The following TBCK variants were observed in gnomAD, a reference collection of about 807,000 sequenced individuals.
TBCK encodes TBC domain-containing protein kinase-like protein.
Under a neutral mutation model 113.4 loss-of-function variants are expected in TBCK, and 99 were observed. That is an observed-to-expected ratio of 0.87 (90% CI 0.74 to 1.03). The LOEUF (loss-of-function observed/expected upper bound fraction) is 1.03, where lower values mean the gene tolerates loss of function less well. TBCK is among the 50% of genes least tolerant of loss of function. The probability of loss-of-function intolerance (pLI) is 0.00; values close to 1 mark genes in which losing one functional copy is unlikely to be tolerated. For missense variants in TBCK, 1,045 were observed against 1,061.3 expected (o/e 0.98, Z 0.21); for synonymous variants, 369 against 370.8 (o/e 1.00, Z 0.05).
At chr4:106,070,775 G>A (rs1486140193) in intron 25 of TBCK, among the ~76,000 whole-genome samples, 7 of 152,046 alleles carry the variant, frequency 4.6e-5, no homozygotes, top group Admixed American at 2.0e-4. Context: ...TCTGGTCCTC[G>A]ACTTTTTTTG....
intron 17 of TBCK, among the ~76,000 whole-genome samples, chr4:106,232,343 T>C (rs1485443372): frequency 1.3e-5 from 2 of 151,576 alleles, no homozygotes; most frequent in Non-Finnish European, 3.0e-5. Flanking sequence ...CTAAGAAAAA[T>C]AACAGCTTTA....
intron 25 of TBCK, among the ~76,000 whole-genome samples, chr4:106,089,455 A>G (rs1308068569): frequency 6.6e-6 from 1 of 152,102 alleles, no homozygotes; most frequent in African/African-American, 2.4e-5. Context: ...TGATCCCCTA[A>G]GTCTTATGTC....
At chr4:106,072,735 A>G (rs1737625884) in intron 25 of TBCK, among the ~76,000 whole-genome samples, 1 of 152,142 alleles carries the variant, frequency 6.6e-6, no homozygotes, top group Non-Finnish European at 1.5e-5. Flanking sequence ...AAGTACACCA[A>G]TCAAACAGAG....
intron 3 of TBCK, among the ~76,000 whole-genome samples, chr4:106,276,028 T>C (rs1171716399): frequency 5.9e-5 from 9 of 152,168 alleles, no homozygotes; most frequent in African/African-American, 2.2e-4. Context: ...ACTATAAAGC[T>C]ATAATCATCA....
chr4:106,245,212 T>C (rs1560898616), intron 10 of TBCK, among the ~76,000 whole-genome samples: 1 of 152,172 alleles, frequency 6.6e-6, no homozygotes, highest in East Asian at 1.9e-4. Context: ...CCCACACTTT[T>C]GTGAGTCTGG....
Position 106,044,210 on chromosome 4 carries a change from C to T in TBCK, c.*2360G>A, listed in dbSNP as rs933850907. The T allele has an allele frequency of 1.3e-5, 2 of 152,166 alleles. No homozygotes were observed. Among genetic ancestry groups the T allele is most frequent in the African/African-American group, 4.8e-5 (2 of 41,442 alleles). The allele number at this position is 152,166 out of a possible 1,614,324, so 9.4% of individuals were successfully genotyped here. On this transcript the variant is annotated 3_prime_UTR_variant, in exon 26 of 26. Coordinates refer to ENST00000394708, the MANE Select transcript of TBCK (RefSeq NM_001163435.3). ...ATCACTGCCCCTCCATCCCTCTCTT[C>T]TCTGCTTTCTCAGTAAGGCAGAGTT...
chr4:106,115,562 T>C (rs1306872659), intron 24 of TBCK, among the ~76,000 whole-genome samples: 8 of 152,176 alleles, frequency 5.3e-5, no homozygotes, highest in Non-Finnish European at 1.2e-4. Context: ...AGTTGCTCTG[T>C]TTTTAAACAA....
intron 24 of TBCK, among the ~76,000 whole-genome samples, chr4:106,098,023 C>A (rs10516531): frequency 0.057 from 8,619 of 151,966 alleles, 499 homozygotes; most frequent in East Asian, 0.27. Context: ...GCTCTAAGAA[C>A]TTTGGTTTTA....
chr4:106,236,692 A>G, intron 13 of TBCK, 67 bp downstream of exon 13: 2 of 1,058,340 alleles, frequency 1.9e-6, no homozygotes, highest in East Asian at 3.0e-5. Context: ...GAAAATGTAT[A>G]AAATTCTTAT....
chr4:106,093,987 G>C lies in TBCK; in HGVS notation c.2571+1495C>G, dbSNP rs865895645. 5.3e-5 allele frequency among the ~76,000 whole-genome samples: 8 copies of C among 152,276 alleles called. 1 individual carries two copies. In the South Asian group the frequency reaches 1.5e-3, roughly 28 times the overall value. ...GATGGGGGAGGCTGATAATGGGAAA[G>C]GTTGTGCATGTGTGGGGTAGTGGTA... On this transcript the variant is annotated intron_variant, in intron 25 of 25. Coordinates refer to ENST00000394708, the MANE Select transcript of TBCK (RefSeq NM_001163435.3).
At chr4:106,159,976 T>C (rs1194505349) in intron 23 of TBCK, among the ~76,000 whole-genome samples, 2 of 151,992 alleles carry the variant, frequency 1.3e-5, no homozygotes, top group Admixed American at 6.6e-5. Context: ...CCCTCCTATA[T>C]ATGGTCAAAT....
chr4:106,184,236 C>T (rs1325695816), intron 22 of TBCK, among the ~76,000 whole-genome samples: 1 of 152,050 alleles, frequency 6.6e-6, no homozygotes, highest in Admixed American at 6.6e-5. Flanking sequence ...TTGTCAGTAC[C>T]ATGCTCACTC....
intron 5 of TBCK, among the ~76,000 whole-genome samples, chr4:106,260,209 A>G (rs1216428864): frequency 6.6e-6 from 1 of 151,918 alleles, no homozygotes; most frequent in Non-Finnish European, 1.5e-5. Context: ...GAATGTCAAT[A>G]CTGTTAGCTT....
chr4:106,272,591 A>G (rs1763610874), intron 3 of TBCK, among the ~76,000 whole-genome samples: 1 of 147,718 alleles, frequency 6.8e-6, no homozygotes, highest in East Asian at 2.0e-4. Flanking sequence ...TCCCAGGTTC[A>G]TGCCATTCTC....
At chr4:106,094,678 C>T (rs1183541774) in intron 25 of TBCK, among the ~76,000 whole-genome samples, 1 of 152,184 alleles carries the variant, frequency 6.6e-6, no homozygotes, top group Non-Finnish European at 1.5e-5. Context: ...CCTCTATTCT[C>T]TGTGCCCTGG....
chr4:106,054,558 G>T (rs141515917), intron 25 of TBCK, among the ~76,000 whole-genome samples: 1 of 151,750 alleles, frequency 6.6e-6, no homozygotes, highest in East Asian at 1.9e-4. Context: ...ATGTATGTAT[G>T]TTTATTGATG....
intron 23 of TBCK, among the ~76,000 whole-genome samples, chr4:106,130,764 C>T (rs1724297872): frequency 6.6e-6 from 1 of 152,008 alleles, no homozygotes; most frequent in African/African-American, 2.4e-5. Flanking sequence ...TAAAAATATG[C>T]AACTTGTTTT....
At chr4:106,130,589 T>TACACACACACACAC (rs70941237) in intron 23 of TBCK, among the ~76,000 whole-genome samples, 34 of 142,430 alleles carry the variant, frequency 2.4e-4, no homozygotes, top group Admixed American at 5.6e-4. Context: ...TTGCGCTAAA[T>TACACACACACACAC]ACACACACAC....
At chr4:106,138,170 T>G (rs958077275) in intron 23 of TBCK, among the ~76,000 whole-genome samples, 1 of 141,440 alleles carries the variant, frequency 7.1e-6, no homozygotes, top group African/African-American at 2.5e-5. Context: ...AGTTGATCTG[T>G]AATGCCAGTA....
Sources: gnomAD v4.1 joint callset for allele counts (sites outside exome capture counted in the v4.1 genomes callset) on GRCh38, gnomAD v4.1.1 for gene constraint, MANE v1.5 for transcripts, NCBI Gene and HGNC (gene_info 2026-07-23, HGNC 2026-07-21) for gene names.